Variants in ACOT11 observed in about 807,000 individuals in gnomAD.
The protein encoded by ACOT11 is acyl-coenzyme A thioesterase 11.
Under a neutral mutation model 77.5 loss-of-function variants are expected in ACOT11, and 69 were observed. The ratio of observed to expected loss-of-function variants is 0.89; its 90% CI spans 0.73 to 1.09. ACOT11 has a LOEUF of 1.09. ACOT11 is among the 50% of genes least tolerant of loss of function. The probability of loss-of-function intolerance (pLI) is 0.00; values close to 1 mark genes in which losing one functional copy is unlikely to be tolerated. For missense variants in ACOT11, 766 were observed against 813.7 expected, an observed-to-expected ratio of 0.94 and a Z score of 0.71; for synonymous variants, 279 against 313.0, an observed-to-expected ratio of 0.89 and a Z score of 1.15.
At chr1:54,614,196 G>T (rs1644147355), downstream of ACOT11, among the ~76,000 whole-genome samples, 1 of 152,194 alleles carries the variant, frequency 6.6e-6, no homozygotes, top group Non-Finnish European at 1.5e-5. Context: ...AGAGCACTGT[G>T]CAACTACTGT....
intron 1 of ACOT11, among the ~76,000 whole-genome samples, chr1:54,548,876 C>T (rs946604401): frequency 2.0e-5 from 3 of 152,094 alleles, no homozygotes; most frequent in Non-Finnish European, 4.4e-5. Context: ...GCAAGGTGAC[C>T]TTGAAGAGAA....
Position 54,605,209 on chromosome 1 carries a change from G to T in ACOT11, c.1370G>T (p.Arg457Leu). 2 of 1,612,724 alleles carry T rather than the reference G, an allele frequency of 1.2e-6. No individual in the cohort carries two copies. Among genetic ancestry groups the T allele is most frequent in the Non-Finnish European group, 1.7e-6 (2 of 1,179,952 alleles). The change falls in exon 13 of 16, where the codon CGG becomes CTG. Residue 457 changes from arginine (R) to leucine (L), a missense_variant and splice_region_variant. Transcript: ENST00000343744. ...AGGCCAGAGTGGGACAAGCACTACCGGTGAGGGGCCAGGGTGAGGGCAGGG... is the reference window on the plus strand; with the variant it reads ...AGGCCAGAGTGGGACAAGCACTACCTGTGAGGGGCCAGGGTGAGGGCAGGG... ...RQRPEWDKHY[R>L]SVELVQQVDE...
intron 6 of ACOT11, among the ~76,000 whole-genome samples, chr1:54,595,648 C>T (rs968438622): frequency 3.3e-5 from 5 of 152,118 alleles, no homozygotes; most frequent in Admixed American, 2.0e-4. Context: ...TTGTATCTTG[C>T]AGTTTCCCCT....
At chr1:54,571,852 T>C (rs1490918227) in intron 1 of ACOT11, among the ~76,000 whole-genome samples, 2 of 150,212 alleles carry the variant, frequency 1.3e-5, no homozygotes, top group Non-Finnish European at 3.0e-5. Context: ...GGATGCTGAG[T>C]GGGGAGGTGC....
chr1:54,571,070 T>C (rs928085977), intron 1 of ACOT11, among the ~76,000 whole-genome samples: 1 of 134,722 alleles, frequency 7.4e-6, no homozygotes. Context: ...ATTCTCTCTC[T>C]CTTTTTTTTT....
Position 54,627,981 on chromosome 1 carries a change from C to A in ACOT11, c.1630-2753C>A, listed in dbSNP as rs184231684. ...TGGGGAGCCCCGGAGGCCTGGGTCA[C>A]CCTGATAAAGAATTTGGCTTCAACC... is the stretch of plus-strand genomic sequence containing the variant. On this transcript the variant is annotated intron_variant, in intron 15 of 16. Transcript: ENST00000371316. 2.5e-3 allele frequency among the ~76,000 whole-genome samples: 337 copies of A among 132,894 alleles called. 27 individuals are homozygous for A. The highest frequency in any genetic ancestry group is 8.3e-3 in the African/African-American group (325 of 39,224). The allele number at this position is 132,894 out of a possible 152,430, so 87.2% of individuals were successfully genotyped here.
chr1:54,573,164 G>A (rs1653982855), intron 1 of ACOT11: 1 of 985,334 alleles, frequency 1.0e-6, no homozygotes, highest in South Asian at 4.7e-5. Context: ...GGAAGAGCCG[G>A]TGGATGTCAC....
In ACOT11 at chr1:54,609,736, G is replaced by A. The variant is rs529443225; in HGVS notation, c.*624G>A. The A allele has an allele frequency of 1.0e-4, 168 of 1,614,182 alleles. 2 individuals carry two copies. In the South Asian group the frequency reaches 1.3e-3, roughly 12 times the overall value. ...AATGCAAGAGGCCAAGGCTGGAGAG[G>A]CGTGCCAGCAAGGCCAGGGATGGCC... is the stretch of plus-strand genomic sequence containing the variant. On this transcript the variant is annotated 3_prime_UTR_variant, in exon 16 of 16. Coordinates refer to ENST00000343744, the MANE Select transcript of ACOT11 (RefSeq NM_147161.4).
chr1:54,562,654 G>T (rs1653575743), intron 1 of ACOT11, among the ~76,000 whole-genome samples: 1 of 134,288 alleles, frequency 7.4e-6, no homozygotes, highest in Non-Finnish European at 1.6e-5. Flanking sequence ...CTCAGACGGG[G>T]TGGTTGCCAG....
intron 11 of ACOT11, 121 bp from the exon 12 acceptor site, chr1:54,604,225 C>A: frequency 1.1e-6 from 1 of 877,760 alleles, no homozygotes. Context: ...ACCTGCCGCA[C>A]CACCCACCCA....
downstream of ACOT11, chr1:54,610,522 CCCGTGTAGTACAT>C: frequency 6.2e-7 from 1 of 1,613,488 alleles, no homozygotes; most frequent in Non-Finnish European, 8.5e-7. Context: ...CAGGCTGCCT[CCCGTGTAGTACAT>C]TGGTTTCCGT....
At chr1:54,585,069 C>T (rs1214901807) in intron 2 of ACOT11, among the ~76,000 whole-genome samples, 2 of 152,218 alleles carry the variant, frequency 1.3e-5, no homozygotes, top group Non-Finnish European at 2.9e-5. Context: ...ACCCCTTCAG[C>T]CCTGAGTGTT....
In ACOT11 at chr1:54,604,374, C is replaced by T; in HGVS notation, c.1181C>T (p.Ser394Phe). 6.2e-7 allele frequency: 1 copy of T among 1,614,074 alleles called. No homozygotes were observed. Among genetic ancestry groups the T allele is most frequent in the Non-Finnish European group, 8.5e-7 (1 of 1,180,016 alleles). ...QVYLSYNNVS[S>F]LKMLVAKDNW... ...TACCTGAGCTACAATAACGTCTCCT[C>T]CTTGAAGATGCTTGTGGCCAAGGAC... The change falls in exon 12 of 16, where the codon TCC becomes TTC. Residue 394 changes from serine (S) to phenylalanine (F), a missense_variant. By Grantham distance (155) the Ser-to-Phe change is radical. Transcript: ENST00000343744.
At chr1:54,604,512 C>T in intron 12 of ACOT11, 83 bp downstream of exon 12, 1 of 1,241,166 alleles carries the variant, frequency 8.1e-7, no homozygotes, top group South Asian at 1.3e-5. Context: ...TCTCCCACAC[C>T]ACTTATGTCA....
At chr1:54,567,282 C>CTTT (rs5774191) in intron 1 of ACOT11, among the ~76,000 whole-genome samples, 12 of 139,740 alleles carry the variant, frequency 8.6e-5, no homozygotes, top group Non-Finnish European at 1.4e-4. Flanking sequence ...GACTTTTTTC[C>CTTT]TTTTTTTTTT....
intron 1 of ACOT11, among the ~76,000 whole-genome samples, chr1:54,556,676 G>A (rs1653269075): frequency 6.6e-6 from 1 of 151,914 alleles, no homozygotes; most frequent in Non-Finnish European, 1.5e-5. Context: ...CTGCCTCCTG[G>A]GTTCAAGTGA....
downstream of ACOT11, chr1:54,614,619 G>A: frequency 2.1e-6 from 3 of 1,418,454 alleles, no homozygotes; most frequent in Admixed American, 6.4e-5. Context: ...CAAACTCAGA[G>A]GTCCCCTAAG....
intron 6 of ACOT11, among the ~76,000 whole-genome samples, chr1:54,596,223 T>G (rs1277637045): frequency 6.6e-6 from 1 of 152,040 alleles, no homozygotes; most frequent in Non-Finnish European, 1.5e-5. Flanking sequence ...CTCCCCGTCC[T>G]GTCTCCAGAC....
intron 7 of ACOT11, chr1:54,597,872 C>T (rs2100994797): frequency 6.0e-6 from 1 of 167,208 alleles, no homozygotes; most frequent in South Asian, 1.6e-4. Flanking sequence ...AAAGCCATCT[C>T]TGACTGTTCC....
Sources: gnomAD v4.1 joint callset for allele counts (sites outside exome capture counted in the v4.1 genomes callset) on GRCh38, gnomAD v4.1.1 for gene constraint, MANE v1.5 for transcripts, NCBI Gene and HGNC (gene_info 2026-07-23, HGNC 2026-07-21) for gene names.